The following PAPPA2 variants were observed in gnomAD, a reference collection of about 807,000 sequenced individuals.
PAPPA2 encodes the protein pappalysin 2, also known as pappalysin-2.
A neutral mutation model predicts 176.4 loss-of-function variants in PAPPA2; 86 were observed. The observed-to-expected ratio is 0.49, with a 90% confidence interval of 0.41 to 0.58. The LOEUF (loss-of-function observed/expected upper bound fraction) is 0.58. Among genes scored for constraint, PAPPA2 ranks in the 20% least tolerant of loss-of-function variants. PAPPA2 has a pLI of 0.00. For missense variants in PAPPA2, 2,073 were observed against 2,256.9 expected (o/e 0.92, Z 1.65); for synonymous variants, 809 against 852.2 (o/e 0.95, Z 0.88).
At chr1:176,582,448 C>G (rs1319267695) in intron 2 of PAPPA2, among the ~76,000 whole-genome samples, 1 of 152,122 alleles carries the variant, frequency 6.6e-6, no homozygotes, top group Non-Finnish European at 1.5e-5. Flanking sequence ...TATTAGCGGT[C>G]ACTTATGGCC....
chr1:176,810,976 TCTTC>T (rs1330883799), intron 21 of PAPPA2, among the ~76,000 whole-genome samples: 1 of 152,218 alleles, frequency 6.6e-6, no homozygotes, highest in African/African-American at 2.4e-5. Flanking sequence ...CCTGTTCAAC[TCTTC>T]CTTCCTCAGT....
At chr1:176,801,091 ACACACACACACACG>A (rs1247046536) in intron 21 of PAPPA2, among the ~76,000 whole-genome samples, 1 of 134,816 alleles carries the variant, frequency 7.4e-6, no homozygotes, top group Non-Finnish European at 1.6e-5. Flanking sequence ...GGAGATGCTT[ACACACACACACACG>A]CACACACACA....
intron 3 of PAPPA2, among the ~76,000 whole-genome samples, chr1:176,648,252 A>G (rs1657525974): frequency 6.6e-6 from 1 of 151,566 alleles, no homozygotes; most frequent in African/African-American, 2.4e-5. Context: ...CTGTTGCTGT[A>G]TATAAATGCT....
intron 3 of PAPPA2, among the ~76,000 whole-genome samples, chr1:176,634,799 G>GAGAGAGAGAGATAGAT (rs1396094505): frequency 8.3e-6 from 1 of 120,176 alleles, no homozygotes; most frequent in African/African-American, 3.4e-5. Flanking sequence ...TCCAAGGAGA[G>GAGAGAGAGAGATAGAT]AGATAGATAG....
At position 176,566,175 on chromosome 1, in the gene PAPPA2, G is replaced by A. The variant is rs192192826; in HGVS notation, c.919+8934G>A. On this transcript the variant is annotated intron_variant, in intron 2 of 22. Coordinates refer to ENST00000367662, the MANE Select transcript of PAPPA2 (RefSeq NM_020318.3). Reference sequence around the variant, plus strand: ...CTCCTAGATTCCAGCTCTATGTCTGGCCCCAGCTGGGTTCTTTGGCAGACC... The same window carrying A: ...CTCCTAGATTCCAGCTCTATGTCTGACCCCAGCTGGGTTCTTTGGCAGACC... Among the ~76,000 whole-genome samples, 5 of 152,232 alleles carry A rather than the reference G, an allele frequency of 3.3e-5. No homozygotes were observed. The East Asian group carries it at 5.8e-4, about 18-fold the overall frequency.
At chr1:176,828,645 C>T (rs1438831574) in intron 21 of PAPPA2, among the ~76,000 whole-genome samples, 1 of 151,938 alleles carries the variant, frequency 6.6e-6, no homozygotes, top group East Asian at 1.9e-4. Context: ...ATTGCATATA[C>T]ATACATATGC....
intron 1 of PAPPA2, among the ~76,000 whole-genome samples, chr1:176,502,503 G>T (rs1174954134): frequency 6.6e-6 from 1 of 152,122 alleles, no homozygotes; most frequent in Non-Finnish European, 1.5e-5. Context: ...AAATAAGCTT[G>T]TATGTATTAT....
intron 2 of PAPPA2, among the ~76,000 whole-genome samples, chr1:176,592,114 T>C (rs1653704127): frequency 6.6e-6 from 1 of 152,222 alleles, no homozygotes; most frequent in Admixed American, 6.5e-5. Flanking sequence ...GAATTCTATT[T>C]GCTAAGTATG....
At chr1:176,799,947 C>T (rs1665604748) in intron 20 of PAPPA2, 114 bp from the exon 21 acceptor site, 2 of 1,040,870 alleles carry the variant, frequency 1.9e-6, no homozygotes, top group Admixed American at 1.8e-5. Context: ...CAATTAGAAA[C>T]TAGCTGCTTG....
chr1:176,800,060 G>A lies in PAPPA2; in HGVS notation c.5131-1G>A. ...TCTGTTTTTCCCGTCTTTCCCCTTA[G>A]AGCATTGTGTGCACTGGCCGGCGTC... On this transcript the variant is annotated splice_acceptor_variant, in intron 20 of 22. Coordinates refer to ENST00000367662, the MANE Select transcript of PAPPA2 (RefSeq NM_020318.3). LOFTEE classifies it high-confidence loss of function. The A allele has an allele frequency of 6.2e-7, 1 of 1,613,912 alleles. No individual in the cohort carries two copies. The highest frequency in any genetic ancestry group is 8.5e-7 in the Non-Finnish European group (1 of 1,179,890).
At chr1:176,694,032 C>G (rs1379200673) in intron 6 of PAPPA2, among the ~76,000 whole-genome samples, 3 of 152,176 alleles carry the variant, frequency 2.0e-5, no homozygotes, top group Non-Finnish European at 4.4e-5. Flanking sequence ...GCTAGGTGGA[C>G]TGCAGTTTTG....
chr1:176,782,605 TGTG>T (rs1021355960), intron 17 of PAPPA2, among the ~76,000 whole-genome samples: 2 of 152,118 alleles, frequency 1.3e-5, no homozygotes, highest in African/African-American at 4.8e-5. Flanking sequence ...GGTCATGGGT[TGTG>T]CTTGGGATTC....
chr1:176,735,704 CT>C (rs1456419507), intron 12 of PAPPA2, among the ~76,000 whole-genome samples: 1 of 151,350 alleles, frequency 6.6e-6, no homozygotes, highest in Non-Finnish European at 1.5e-5. Flanking sequence ...ATCTATCTAT[CT>C]ATCTATCTAT....
At chr1:176,819,778 A>C in intron 21 of PAPPA2, among the ~76,000 whole-genome samples, 1 of 152,186 alleles carries the variant, frequency 6.6e-6, no homozygotes, top group East Asian at 1.9e-4. Flanking sequence ...AGTTGCATAC[A>C]TAAAGCTGCA....
intron 21 of PAPPA2, among the ~76,000 whole-genome samples, chr1:176,802,658 T>G (rs567510669): frequency 1.3e-5 from 2 of 152,286 alleles, no homozygotes. Context: ...GTACTGAATA[T>G]CATTCTAAGA....
intron 14 of PAPPA2, among the ~76,000 whole-genome samples, chr1:176,764,777 T>C (rs1412568999): frequency 6.6e-6 from 1 of 152,122 alleles, no homozygotes; most frequent in East Asian, 1.9e-4. Context: ...TTTGTATTTT[T>C]AGTAGAGATG....
chr1:176,617,582 C>G (rs1655339135), intron 3 of PAPPA2, among the ~76,000 whole-genome samples: 1 of 152,082 alleles, frequency 6.6e-6, no homozygotes, highest in African/African-American at 2.4e-5. Flanking sequence ...ATCTCTAACT[C>G]CACCTAGGTT....
intron 2 of PAPPA2, among the ~76,000 whole-genome samples, chr1:176,585,965 T>G (rs1653279626): frequency 6.6e-6 from 1 of 152,182 alleles, no homozygotes; most frequent in South Asian, 2.1e-4. Flanking sequence ...TCACTGATTT[T>G]CCTTAAGATT....
At chr1:176,578,230 T>C (rs910033204) in intron 2 of PAPPA2, among the ~76,000 whole-genome samples, 1 of 152,254 alleles carries the variant, frequency 6.6e-6, no homozygotes, top group Admixed American at 6.5e-5. Flanking sequence ...GTCAATAAGA[T>C]TTATCACATA....
Sources: allele counts gnomAD v4.1 joint callset (sites outside exome capture counted in the v4.1 genomes callset), GRCh38; gene constraint gnomAD v4.1.1; transcripts MANE v1.5; gene names NCBI Gene and HGNC (gene_info 2026-07-23, HGNC 2026-07-21).